The following SLC1A2 variants were observed in gnomAD, a reference collection of about 807,000 sequenced individuals.
SLC1A2 encodes the protein excitatory amino acid transporter 2.
In SLC1A2, 15 loss-of-function variants were observed where a neutral mutation model predicts 48.8. That is an observed-to-expected ratio of 0.31 (90% CI 0.21 to 0.47). The LOEUF is 0.47. Ranked by LOEUF, SLC1A2 falls within the 20% of genes least tolerant of loss-of-function variation. The pLI is 0.99. For missense variants in SLC1A2, 502 were observed against 730.5 expected (o/e 0.69, Z 3.61); for synonymous variants, 279 against 272.6 (o/e 1.02, Z -0.23).
chr11:35,327,639 C>A (rs927860333), intron 1 of SLC1A2, among the ~76,000 whole-genome samples: 6 of 152,184 alleles, frequency 3.9e-5, no homozygotes, highest in African/African-American at 1.4e-4. Flanking sequence ...TAAATAATAA[C>A]CAACATTTCA....
intron 1 of SLC1A2, among the ~76,000 whole-genome samples, chr11:35,389,628 G>A (rs572538449): frequency 6.6e-6 from 1 of 152,106 alleles, no homozygotes; most frequent in East Asian, 1.9e-4. Context: ...GAGCCACTAT[G>A]TCTGGCTAAT....
At chr11:35,333,398 C>T (rs1268894894) in intron 1 of SLC1A2, among the ~76,000 whole-genome samples, 3 of 143,080 alleles carry the variant, frequency 2.1e-5, no homozygotes, top group African/African-American at 8.1e-5. Flanking sequence ...GCCTGGGTGA[C>T]AGAATGAGAC....
chr11:35,401,703 T>C (rs920059324), intron 1 of SLC1A2, among the ~76,000 whole-genome samples: 3 of 152,178 alleles, frequency 2.0e-5, no homozygotes, highest in African/African-American at 7.2e-5. Context: ...CTACACCACA[T>C]GGATTCCCTT....
chr11:35,360,403 T>C (rs1448812725), intron 1 of SLC1A2, among the ~76,000 whole-genome samples: 1 of 152,212 alleles, frequency 6.6e-6, no homozygotes, highest in African/African-American at 2.4e-5. Flanking sequence ...GGTAAGCCCC[T>C]GAGCCTGTCA....
At chr11:35,373,241 C>T (rs1382619925) in intron 1 of SLC1A2, among the ~76,000 whole-genome samples, 1 of 152,238 alleles carries the variant, frequency 6.6e-6, no homozygotes, top group Non-Finnish European at 1.5e-5. Context: ...TGCTCCTGCT[C>T]ACTGTCCCTT....
At chr11:35,356,941 A>G (rs2135110712) in intron 1 of SLC1A2, among the ~76,000 whole-genome samples, 1 of 152,308 alleles carries the variant, frequency 6.6e-6, no homozygotes, top group Admixed American at 6.5e-5. Flanking sequence ...CTCTTATTAT[A>G]AAAAAGTAAG....
intron 9 of SLC1A2, among the ~76,000 whole-genome samples, chr11:35,278,446 T>C (rs537435688): frequency 3.9e-4 from 60 of 152,022 alleles, no homozygotes; most frequent in African/African-American, 1.3e-3. Context: ...TGGCTAATTA[T>C]TTTTGCATTT....
intron 1 of SLC1A2, chr11:35,352,211 A>G (rs1853285639): frequency 6.6e-6 from 1 of 152,346 alleles, no homozygotes; most frequent in East Asian, 1.9e-4. Context: ...TTGTTGGCAC[A>G]TGTTCTGTCT....
At chr11:35,383,358 A>G (rs1417400366) in intron 1 of SLC1A2, among the ~76,000 whole-genome samples, 1 of 152,092 alleles carries the variant, frequency 6.6e-6, no homozygotes, top group Non-Finnish European at 1.5e-5. Flanking sequence ...TGTTATTTTT[A>G]TAATGGTTAT....
At chr11:35,368,655 T>C (rs185517323) in intron 1 of SLC1A2, among the ~76,000 whole-genome samples, 9 of 152,220 alleles carry the variant, frequency 5.9e-5, no homozygotes, top group African/African-American at 2.2e-4. Flanking sequence ...AAGTCAGAGA[T>C]GTTTACTGTT....
intron 1 of SLC1A2, among the ~76,000 whole-genome samples, chr11:35,404,814 T>C (rs769907184): frequency 4.0e-4 from 61 of 152,156 alleles, no homozygotes; most frequent in Non-Finnish European, 7.5e-4. Context: ...AAAGTAAAAA[T>C]GAAATCTGTA....
At chr11:35,321,573 T>C (rs1852068116) in intron 1 of SLC1A2, among the ~76,000 whole-genome samples, 1 of 151,938 alleles carries the variant, frequency 6.6e-6, no homozygotes, top group Admixed American at 6.6e-5. Context: ...TGGATTCAAA[T>C]GAATATGTAA....
At chr11:35,284,316 G>A (rs1223249901) in intron 8 of SLC1A2, among the ~76,000 whole-genome samples, 1 of 151,704 alleles carries the variant, frequency 6.6e-6, no homozygotes, top group Non-Finnish European at 1.5e-5. Context: ...TACTTTGTAG[G>A]GCTGTTTCTA....
chr11:35,351,897 T>C (rs1052260058), intron 1 of SLC1A2, among the ~76,000 whole-genome samples: 10 of 152,154 alleles, frequency 6.6e-5, no homozygotes, highest in African/African-American at 9.7e-5. Context: ...TTCTCCCAAA[T>C]TGGTGGGATT....
At chr11:35,360,314 T>C (rs1453211333) in intron 1 of SLC1A2, among the ~76,000 whole-genome samples, 1 of 152,218 alleles carries the variant, frequency 6.6e-6, no homozygotes, top group Non-Finnish European at 1.5e-5. Flanking sequence ...GATGTCCCTT[T>C]TCTCTCCTTA....
intron 9 of SLC1A2, among the ~76,000 whole-genome samples, chr11:35,270,151 A>G (rs1850238939): frequency 6.6e-6 from 1 of 152,230 alleles, no homozygotes; most frequent in African/African-American, 2.4e-5. Context: ...TTAAAAAACA[A>G]TAAAAGCAGA....
At chr11:35,279,270 C>G (rs1850544065) in intron 9 of SLC1A2, among the ~76,000 whole-genome samples, 1 of 152,214 alleles carries the variant, frequency 6.6e-6, no homozygotes, top group South Asian at 2.1e-4. Flanking sequence ...CAAGTGGGCA[C>G]TTAGAGGGGA....
At chr11:35,272,749 C>T (rs1309994588) in intron 9 of SLC1A2, among the ~76,000 whole-genome samples, 3 of 152,202 alleles carry the variant, frequency 2.0e-5, no homozygotes, top group Non-Finnish European at 4.4e-5. Context: ...GGTCTGGACG[C>T]TGTGTGTCAG....
intron 1 of SLC1A2, among the ~76,000 whole-genome samples, chr11:35,337,243 C>CT (rs1852666973): frequency 6.6e-6 from 1 of 152,082 alleles, no homozygotes; most frequent in Non-Finnish European, 1.5e-5. Flanking sequence ...TTAAAGAAGA[C>CT]TCCTCCTACC....
Sources: gnomAD v4.1 joint callset for allele counts (sites outside exome capture counted in the v4.1 genomes callset) on GRCh38, gnomAD v4.1.1 for gene constraint, MANE v1.5 for transcripts, NCBI Gene and HGNC (gene_info 2026-07-23, HGNC 2026-07-21) for gene names.